Variants in RHAG observed in about 807,000 individuals in gnomAD.
RHAG encodes the protein Rh associated glycoprotein.
RHAG carries 25 observed loss-of-function variants against 42.4 expected under a neutral mutation model. The ratio of observed to expected loss-of-function variants is 0.59; its 90% confidence interval spans 0.43 to 0.82. RHAG has a LOEUF of 0.82. Ranked by LOEUF, RHAG falls within the 40% of genes least tolerant of loss-of-function variation. RHAG has a pLI of 0.00. For missense variants in RHAG, 483 were observed against 504.6 expected (o/e 0.96, Z 0.41); for synonymous variants, 182 against 177.7 (o/e 1.02, Z -0.19).
intron 1 of RHAG, among the ~76,000 whole-genome samples, chr6:49,626,729 C>T (rs976946542): frequency 6.6e-6 from 1 of 152,226 alleles, no homozygotes; most frequent in Non-Finnish European, 1.5e-5. Context: ...CAGAGGTTCT[C>T]CATGACAGCT....
At chr6:49,634,667 G>A (rs956355381) in intron 1 of RHAG, among the ~76,000 whole-genome samples, 1 of 151,980 alleles carries the variant, frequency 6.6e-6, no homozygotes, top group African/African-American at 2.4e-5. Flanking sequence ...CTACAAGCTT[G>A]AGAGAGTTGA....
At chr6:49,620,321 A>G (rs1384234042) in intron 1 of RHAG, among the ~76,000 whole-genome samples, 1 of 152,220 alleles carries the variant, frequency 6.6e-6, no homozygotes, top group African/African-American at 2.4e-5. Flanking sequence ...AATAAAACAT[A>G]TGATCAAATG....
At chr6:49,631,618 G>C (rs1017181071) in intron 1 of RHAG, among the ~76,000 whole-genome samples, 3 of 152,100 alleles carry the variant, frequency 2.0e-5, no homozygotes, top group Admixed American at 2.0e-4. Context: ...GGGTTACCTT[G>C]TGCTTTCTTT....
chr6:49,608,899 C>A (rs556483562), intron 7 of RHAG, among the ~76,000 whole-genome samples: 12 of 151,968 alleles, frequency 7.9e-5, no homozygotes, highest in African/African-American at 2.9e-4. Flanking sequence ...TTGTAAATTT[C>A]CTGTTAATTT....
chr6:49,623,289 T>C (rs900761841), intron 1 of RHAG, among the ~76,000 whole-genome samples: 2 of 152,170 alleles, frequency 1.3e-5, no homozygotes, highest in Non-Finnish European at 2.9e-5. Context: ...AGCTTAAAAG[T>C]TGTGGAGGCT....
chr6:49,630,024 T>A lies in RHAG; in HGVS notation c.157+6632A>T, dbSNP rs534604899. ...GTGCCCTGGTGGGCTGAAGGGCTCC[T>A]CAAGTGCCGCCAAAGTGGGAGCCTA... On this transcript the variant is annotated intron_variant, in intron 1 of 9. Coordinates refer to ENST00000371175, the MANE Select transcript of RHAG (RefSeq NM_000324.3). Among the ~76,000 whole-genome samples the A allele has an allele frequency of 3.9e-5, 6 of 152,296 alleles. No individual in the cohort carries two copies. The South Asian group carries it at 1.2e-3, about 32-fold the overall frequency.
In RHAG at chr6:49,612,381, C is replaced by T. The variant is rs200262713; in HGVS notation, c.945+16G>A. On this transcript the variant is annotated intron_variant, in intron 6 of 9. Transcript: ENST00000371175. ...TGCAGATTCAGAGTTTGACTCAGAA[C>T]ATCTGCTGTACTTACAGTCAGGAAC... The T allele has an allele frequency of 3.7e-6, 6 of 1,613,738 alleles. No individual in the cohort carries two copies. The African/African-American group carries it at 4.0e-5, about 11-fold the overall frequency.
chr6:49,606,905 CAA>C lies in RHAG; in HGVS notation c.1153_1154del (p.Leu385AlafsTer8), dbSNP rs1297961369. 3 of 1,611,632 alleles carry C rather than the reference CAA, an allele frequency of 1.9e-6. No homozygotes were observed. The highest frequency in any genetic ancestry group is 2.5e-6 in the Non-Finnish European group (3 of 1,177,974). ...GGLMTGLILK[L>X]PLWGQPSDQN... ...GGTCAGATGGCTGTCCCCAGAGAGG[CAA>C]CTTTAGAATTAAACCTGTGACGGTA... is the stretch of plus-strand genomic sequence containing the variant. On this transcript the variant is annotated frameshift_variant, in exon 9 of 10. Transcript: ENST00000371175. LOFTEE classifies it high-confidence loss of function.
At chr6:49,614,050 T>C (rs1762609214) in intron 5 of RHAG, among the ~76,000 whole-genome samples, 1 of 152,160 alleles carries the variant, frequency 6.6e-6, no homozygotes, top group Admixed American at 6.5e-5. Context: ...AAATCTTTTC[T>C]CAGAACTTGG....
chr6:49,617,986 C>T (rs946233592), intron 3 of RHAG, 82 bp downstream of exon 3: 3 of 1,261,720 alleles, frequency 2.4e-6, no homozygotes, highest in Non-Finnish European at 3.4e-6. Context: ...GATTTGCTCC[C>T]ATATACCGTA....
intron 6 of RHAG, among the ~76,000 whole-genome samples, chr6:49,612,035 C>T (rs2127350996): frequency 6.6e-6 from 1 of 152,212 alleles, no homozygotes; most frequent in East Asian, 1.9e-4. Context: ...AGCTGTGAGC[C>T]ACCATGCTTG....
chr6:49,630,275 T>C (rs148175655), intron 1 of RHAG, among the ~76,000 whole-genome samples: 3 of 152,370 alleles, frequency 2.0e-5, no homozygotes, highest in Admixed American at 6.5e-5. Context: ...GTTATTCAAA[T>C]AGACTTGATG....
Position 49,619,333 on chromosome 6 carries a change from C to A in RHAG, c.187G>T (p.Val63Phe). The A allele has an allele frequency of 6.2e-7, 1 of 1,613,998 alleles. No homozygotes were observed. Among genetic ancestry groups the A allele is most frequent in the Non-Finnish European group, 8.5e-7 (1 of 1,180,002 alleles). Residue 63 changes from valine to phenylalanine, a missense_variant, in exon 2 of 10, where the codon GTT (valine) becomes TTT (phenylalanine). Val to Phe is a conservative substitution (Grantham distance 50). Transcript: ENST00000371175. Reference protein sequence around the residue: ...LFQDVHVMIFVGFGFLMTFLK... With the variant: ...LFQDVHVMIFFGFGFLMTFLK... ...AAGGTCATGAGGAAGCCAAACCCAA[C>A]AAATATCATAACATGTACATCTTGG... is the stretch of plus-strand genomic sequence containing the variant.
intron 1 of RHAG, among the ~76,000 whole-genome samples, chr6:49,624,284 C>A (rs1320630585): frequency 6.6e-6 from 1 of 152,174 alleles, no homozygotes; most frequent in Admixed American, 6.5e-5. Context: ...CGGCTCACTG[C>A]AGCCTCTGCC....
chr6:49,629,206 T>C lies in RHAG; in HGVS notation c.157+7450A>G, dbSNP rs1009128224. On this transcript the variant is annotated intron_variant, in intron 1 of 9. Coordinates refer to ENST00000371175, the MANE Select transcript of RHAG (RefSeq NM_000324.3). The stretch of plus-strand genomic sequence containing the variant: ...CCCTGAGCTAAACACAGGGTGCTCA[T>C]TGGTGTGTTTACAAACCTTGAGCTA... 8.5e-5 allele frequency among the ~76,000 whole-genome samples: 13 copies of C among 152,118 alleles called. No homozygotes were observed. The South Asian group carries it at 2.3e-3, about 27-fold the overall frequency.
At chr6:49,626,981 T>C (rs1411492022) in intron 1 of RHAG, among the ~76,000 whole-genome samples, 2 of 152,328 alleles carry the variant, frequency 1.3e-5, no homozygotes, top group South Asian at 2.1e-4. Context: ...TGTCGTGAGG[T>C]TGCATAGAGC....
chr6:49,634,956 CTGTG>C (rs72452277), intron 1 of RHAG, among the ~76,000 whole-genome samples: 8 of 129,738 alleles, frequency 6.2e-5, no homozygotes, highest in East Asian at 4.5e-4. Context: ...GTGTGTACAC[CTGTG>C]TGTGTGTGTG....
intron 1 of RHAG, among the ~76,000 whole-genome samples, chr6:49,620,335 G>A (rs1422710930): frequency 6.6e-6 from 1 of 152,202 alleles, no homozygotes; most frequent in Admixed American, 6.5e-5. Flanking sequence ...TCAAATGCAA[G>A]ATAGTGAAAA....
At chr6:49,607,440 T>A (rs1762494420) in intron 7 of RHAG, among the ~76,000 whole-genome samples, 1 of 152,228 alleles carries the variant, frequency 6.6e-6, no homozygotes, top group Non-Finnish European at 1.5e-5. Context: ...AAGAAGAGAA[T>A]CATCTTTTCA....
Sources: gnomAD v4.1 joint callset for allele counts (sites outside exome capture counted in the v4.1 genomes callset) on GRCh38, gnomAD v4.1.1 for gene constraint, MANE v1.5 for transcripts, NCBI Gene and HGNC (gene_info 2026-07-23, HGNC 2026-07-21) for gene names.